Variants in RNF220 observed in about 807,000 individuals in gnomAD.
RNF220 encodes the protein E3 ubiquitin-protein ligase RNF220.
RNF220 carries 7 observed loss-of-function variants against 67.1 expected under a neutral mutation model. The observed-to-expected ratio is 0.10, with a 90% CI of 0.06 to 0.20. The LOEUF (loss-of-function observed/expected upper bound fraction) is 0.20. Among genes scored for constraint, RNF220 ranks in the 10% least tolerant of loss-of-function variants. RNF220 has a pLI of 1.00. For missense variants in RNF220, 565 were observed against 740.3 expected (o/e 0.76, Z 2.75); for synonymous variants, 270 against 283.2 (o/e 0.95, Z 0.47).
chr1:44,447,461 G>C (rs779573630), intron 2 of RNF220, among the ~76,000 whole-genome samples: 4 of 152,156 alleles, frequency 2.6e-5, no homozygotes, highest in Non-Finnish European at 4.4e-5. Flanking sequence ...TAGCATCTAT[G>C]TTCTGGATTA....
chr1:44,472,817 A>C (rs1389823700), intron 2 of RNF220, among the ~76,000 whole-genome samples: 1 of 152,160 alleles, frequency 6.6e-6, no homozygotes, highest in Non-Finnish European at 1.5e-5. Context: ...TGTCAACCAA[A>C]GTTAAGGAAT....
chr1:44,477,337 G>T (rs568605821), intron 2 of RNF220, among the ~76,000 whole-genome samples: 4 of 152,266 alleles, frequency 2.6e-5, no homozygotes, highest in Admixed American at 6.5e-5. Flanking sequence ...TTACAAATGC[G>T]GATGAATGCT....
At chr1:44,640,653 C>T (rs1193098970) in intron 8 of RNF220, among the ~76,000 whole-genome samples, 2 of 152,232 alleles carry the variant, frequency 1.3e-5, no homozygotes, top group Non-Finnish European at 2.9e-5. Flanking sequence ...CAACTCCCTG[C>T]CTCCACACTG....
rs1186053640 is a variant in RNF220 at position 44,645,199 on chromosome 1, T to C, written c.1311-22T>C. ...GCCCGCCTTCAGGCCTCACTTTGTT[T>C]TTCCTCCCTCCTTTCCTCCAGTGGC... On this transcript the variant is annotated intron_variant, in intron 10 of 14. Transcript: ENST00000361799. The surrounding 1 kb of genome is among the most constrained non-coding windows in gnomAD (Gnocchi z 5.0). The C allele has an allele frequency of 4.9e-5, 79 of 1,613,914 alleles. No individual in the cohort carries two copies. The highest frequency in any genetic ancestry group is 6.4e-5 in the Non-Finnish European group (75 of 1,180,008).
At chr1:44,489,575 C>T (rs1173312631) in intron 2 of RNF220, among the ~76,000 whole-genome samples, 1 of 152,254 alleles carries the variant, frequency 6.6e-6, no homozygotes, top group Non-Finnish European at 1.5e-5. Context: ...TGGTTAAAAC[C>T]ACATGAGGAT....
intron 2 of RNF220, among the ~76,000 whole-genome samples, chr1:44,426,464 C>T (rs1238776253): frequency 2.6e-5 from 4 of 152,174 alleles, no homozygotes; most frequent in African/African-American, 7.2e-5. Flanking sequence ...TGGTGGCTCA[C>T]GCCTGTAATC....
chr1:44,413,028 GTCATT>G (rs1648138254), intron 2 of RNF220, among the ~76,000 whole-genome samples: 1 of 152,188 alleles, frequency 6.6e-6, no homozygotes, highest in African/African-American at 2.4e-5. Flanking sequence ...TGAAGTGAAT[GTCATT>G]TCATTAAGAA....
At chr1:44,632,460 G>C in intron 6 of RNF220, 75 bp downstream of exon 6, 1 of 1,207,174 alleles carries the variant, frequency 8.3e-7, no homozygotes, top group Non-Finnish European at 1.1e-6. Context: ...TGCCGCTCCT[G>C]GCTTGCCTGG....
intron 2 of RNF220, among the ~76,000 whole-genome samples, chr1:44,421,731 T>C (rs1415180840): frequency 6.6e-6 from 1 of 152,100 alleles, no homozygotes; most frequent in Non-Finnish European, 1.5e-5. Flanking sequence ...CTCAGTGTTT[T>C]TCTCTTTGTA....
intron 2 of RNF220, among the ~76,000 whole-genome samples, chr1:44,603,451 T>G (rs1319975752): frequency 6.6e-6 from 1 of 152,168 alleles, no homozygotes; most frequent in Non-Finnish European, 1.5e-5. Flanking sequence ...CCCCACTATT[T>G]GCCTGCCCAA....
chr1:44,529,312 T>A (rs534878225), intron 2 of RNF220, among the ~76,000 whole-genome samples: 12 of 152,100 alleles, frequency 7.9e-5, no homozygotes, highest in African/African-American at 2.7e-4. Context: ...TAAAATAATG[T>A]TAAGTAAAAC....
intron 8 of RNF220, 31 bp downstream of exon 8, chr1:44,636,193 C>G: frequency 6.3e-7 from 1 of 1,578,188 alleles, no homozygotes; most frequent in East Asian, 2.3e-5. Flanking sequence ...GACATTGGCA[C>G]TCTGGTGCCA....
chr1:44,454,376 A>G (rs1449657862), intron 2 of RNF220, among the ~76,000 whole-genome samples: 2 of 152,164 alleles, frequency 1.3e-5, no homozygotes, highest in South Asian at 2.1e-4. Flanking sequence ...CTGGAAAATC[A>G]TGGAATTTCA....
At chr1:44,627,750 A>G (rs1281332014) in intron 5 of RNF220, among the ~76,000 whole-genome samples, 4 of 152,240 alleles carry the variant, frequency 2.6e-5, no homozygotes, top group Admixed American at 2.0e-4. Context: ...TGATACAGAA[A>G]GACAGGGCTG....
intron 2 of RNF220, among the ~76,000 whole-genome samples, chr1:44,571,803 T>C (rs898059134): frequency 2.0e-5 from 3 of 152,332 alleles, no homozygotes; most frequent in Admixed American, 2.0e-4. Context: ...GAACATACCA[T>C]TTTTCTCCCT....
In RNF220 at chr1:44,451,862, G is replaced by A. The variant is rs181848315; in HGVS notation, c.625+39140G>A. 7.2e-4 allele frequency among the ~76,000 whole-genome samples: 109 copies of A among 152,134 alleles called. 1 individual carries two copies. The East Asian group carries it at 0.02, about 28-fold the overall frequency. ...TCTCAAACTCCTGACCTCGTTATCC[G>A]CCCACCTGGGCCTCCCAAAGTGCTG... On this transcript the variant is annotated intron_variant, in intron 2 of 14. Coordinates refer to ENST00000361799, the MANE Select transcript of RNF220 (RefSeq NM_018150.4).
chr1:44,536,650 A>G (rs1035543040), intron 2 of RNF220, among the ~76,000 whole-genome samples: 4 of 152,138 alleles, frequency 2.6e-5, no homozygotes, highest in East Asian at 1.9e-4. Flanking sequence ...AGTAAGTGCT[A>G]CTTAAGAAAA....
At chr1:44,521,078 G>C (rs1572755634) in intron 2 of RNF220, among the ~76,000 whole-genome samples, 1 of 151,846 alleles carries the variant, frequency 6.6e-6, no homozygotes, top group South Asian at 2.1e-4. Flanking sequence ...TTATTTTTTT[G>C]TAGAGTCAGG....
At chr1:44,439,141 A>G (rs773517337) in intron 2 of RNF220, among the ~76,000 whole-genome samples, 58 of 152,370 alleles carry the variant, frequency 3.8e-4, no homozygotes, top group Admixed American at 1.4e-3. Context: ...AATGTTAGAT[A>G]AAAAGGTAGG....
Sources: gnomAD v4.1 joint callset for allele counts (sites outside exome capture counted in the v4.1 genomes callset) on GRCh38, gnomAD v4.1.1 for gene constraint, Gnocchi (gnomAD v3.1) non-coding constraint, MANE v1.5 for transcripts, NCBI Gene and HGNC (gene_info 2026-07-23, HGNC 2026-07-21) for gene names.